KAZN: variants seen among roughly 807,000 people sequenced by gnomAD.
KAZN encodes the protein kazrin.
A neutral mutation model predicts 87.4 loss-of-function variants in KAZN; 40 were observed. The observed-to-expected ratio is 0.46, with a 90% CI of 0.36 to 0.60. The LOEUF (loss-of-function observed/expected upper bound fraction) is 0.60. Ranked by LOEUF, KAZN falls within the 20% of genes least tolerant of loss-of-function variation. The pLI is 0.00. For missense variants in KAZN, 898 were observed against 1,073.9 expected (o/e 0.84, Z 2.29); for synonymous variants, 466 against 458.3 (o/e 1.02, Z -0.22).
At position 15,070,765 on chromosome 1, in the gene KAZN, C is replaced by T. The variant is rs574118280; in HGVS notation, c.1222+5012C>T. On this transcript the variant is annotated intron_variant, in intron 8 of 14. Transcript: ENST00000376030. ...CTGAGGCTGAAGCATCTCTTGAGCT[C>T]GGGATGTCGAGGCTGCAATGAGCCG... Among the ~76,000 whole-genome samples, 10 of 152,286 alleles carry T rather than the reference C, an allele frequency of 6.6e-5. No individual in the cohort carries two copies. The South Asian group carries it at 1.2e-3, about 19-fold the overall frequency.
At chr1:14,073,430 T>G (rs1643321243) in intron 1 of KAZN, among the ~76,000 whole-genome samples, 1 of 152,202 alleles carries the variant, frequency 6.6e-6, no homozygotes, top group African/African-American at 2.4e-5. Context: ...CTTTAAGTTC[T>G]GGGATACATG....
intron 1 of KAZN, among the ~76,000 whole-genome samples, chr1:14,142,108 CTTTTTTT>C (rs35138469): frequency 1.6e-5 from 2 of 128,970 alleles, no homozygotes; most frequent in South Asian, 2.5e-4. Flanking sequence ...CCCTCCTTCC[CTTTTTTT>C]TTTTTTTTTT....
chr1:15,020,920 C>T lies in KAZN; in HGVS notation c.419-13829C>T, dbSNP rs532251693. Among the ~76,000 whole-genome samples, 34 of 152,282 alleles carry T rather than the reference C, an allele frequency of 2.2e-4. No individual in the cohort carries two copies. The South Asian group carries it at 4.6e-3, about 20-fold the overall frequency. ...GATTGTCTGGCTCCGGGTTCTCACT[C>T]GTGAGCTCTGCTCTCTGCAGCCTCT... On this transcript the variant is annotated intron_variant, in intron 2 of 14. Coordinates refer to ENST00000376030, the MANE Select transcript of KAZN (RefSeq NM_201628.3).
At chr1:14,929,781 C>T in intron 1 of KAZN, 1 of 985,346 alleles carries the variant, frequency 1.0e-6, no homozygotes, top group Non-Finnish European at 1.2e-6. Flanking sequence ...GTTGCGGGTG[C>T]CAGATGAGTG....
At chr1:13,991,879 G>GTGTACTATAGATACAGTGAACTATAGAT (rs1351372713) in intron 1 of KAZN, among the ~76,000 whole-genome samples, 2 of 152,042 alleles carry the variant, frequency 1.3e-5, no homozygotes, top group Non-Finnish European at 2.9e-5. Context: ...TATAGATACA[G>GTGTACTATAGATACAGTGAACTATAGAT]ACGCAGTGTA....
intron 1 of KAZN, among the ~76,000 whole-genome samples, chr1:14,906,031 G>A (rs1225270978): frequency 6.6e-6 from 1 of 151,660 alleles, no homozygotes; most frequent in East Asian, 1.9e-4. Flanking sequence ...GCTGGGTATG[G>A]TGGCACATGC....
intron 1 of KAZN, among the ~76,000 whole-genome samples, chr1:14,134,779 C>A (rs6692214): frequency 1.3e-5 from 2 of 152,132 alleles, no homozygotes; most frequent in Admixed American, 6.6e-5. Context: ...TTCACCTCCT[C>A]CCCATTTTTC....
At position 15,022,075 on chromosome 1, in the gene KAZN, G is replaced by A. The variant is rs567021434; in HGVS notation, c.419-12674G>A. 7.9e-5 allele frequency among the ~76,000 whole-genome samples: 12 copies of A among 152,246 alleles called. 1 individual carries two copies. Among genetic ancestry groups the A allele is most frequent in the Middle Eastern group, 3.4e-3 (1 of 294 alleles). The stretch of plus-strand genomic sequence containing the variant: ...TTCTACCATGTCTCTCCCATAACAC[G>A]TGGGAATTAGGGGAGCTACAATTCA... On this transcript the variant is annotated intron_variant, in intron 2 of 14. Coordinates refer to ENST00000376030, the MANE Select transcript of KAZN (RefSeq NM_201628.3).
At chr1:14,257,530 C>T (rs1009117007) in intron 2 of KAZN, among the ~76,000 whole-genome samples, 1 of 144,810 alleles carries the variant, frequency 6.9e-6, no homozygotes, top group Non-Finnish European at 1.5e-5. Context: ...GTGTTCTGGA[C>T]ATGAAGTCCT....
chr1:14,930,736 C>A (rs770231555), intron 1 of KAZN, among the ~76,000 whole-genome samples: 1 of 152,214 alleles, frequency 6.6e-6, no homozygotes, highest in Non-Finnish European at 1.5e-5. Context: ...TGTCAGCTGA[C>A]GATTCCCCGG....
chr1:14,907,244 C>T (rs978066228), intron 1 of KAZN, among the ~76,000 whole-genome samples: 1 of 150,924 alleles, frequency 6.6e-6, no homozygotes, highest in Non-Finnish European at 1.5e-5. Context: ...AAAAAAAATA[C>T]AAAAACAATT....
At chr1:14,812,776 C>T (rs12129442) in intron 1 of KAZN, among the ~76,000 whole-genome samples, 8,691 of 152,018 alleles carry the variant, frequency 0.057, 323 homozygotes, top group Admixed American at 0.11. Context: ...AGCTTCCCAA[C>T]GCATTGGGAT....
At chr1:14,438,358 G>A (rs1666517638) in intron 2 of KAZN, among the ~76,000 whole-genome samples, 1 of 152,186 alleles carries the variant, frequency 6.6e-6, no homozygotes, top group Non-Finnish European at 1.5e-5. Context: ...GGGAGAAGGG[G>A]AATCAGCAAT....
chr1:14,410,836 G>C (rs1206279460), intron 2 of KAZN, among the ~76,000 whole-genome samples: 1 of 152,172 alleles, frequency 6.6e-6, no homozygotes, highest in Non-Finnish European at 1.5e-5. Flanking sequence ...AAGAGGCCAG[G>C]CATGGATTCT....
intron 1 of KAZN, among the ~76,000 whole-genome samples, chr1:14,151,439 T>A (rs929329392): frequency 6.6e-6 from 1 of 152,198 alleles, no homozygotes; most frequent in African/African-American, 2.4e-5. Flanking sequence ...ATGATCACTT[T>A]GATATTTTCG....
chr1:15,036,305 A>C (rs1672293066), intron 3 of KAZN, among the ~76,000 whole-genome samples: 3 of 95,838 alleles, frequency 3.1e-5, no homozygotes, highest in Non-Finnish European at 4.2e-5. Flanking sequence ...CTGCCCGCCC[A>C]GCTCCCTCTG....
intron 2 of KAZN, among the ~76,000 whole-genome samples, chr1:14,586,845 G>C (rs1186974721): frequency 6.6e-6 from 1 of 152,108 alleles, no homozygotes; most frequent in African/African-American, 2.4e-5. Context: ...GTTTAATACA[G>C]TTCAACATTT....
intron 1 of KAZN, among the ~76,000 whole-genome samples, chr1:14,102,896 T>C (rs977847976): frequency 1.3e-5 from 2 of 151,426 alleles, no homozygotes; most frequent in Middle Eastern, 3.2e-3. Context: ...CTGTACACAT[T>C]TGAATACTAA....
intron 1 of KAZN, among the ~76,000 whole-genome samples, chr1:14,960,450 C>T (rs936030191): frequency 5.3e-5 from 8 of 152,128 alleles, no homozygotes; most frequent in African/African-American, 1.7e-4. Context: ...CAGTGGAGTC[C>T]TCGGGAGTCG....
Sources: gnomAD v4.1 joint callset for allele counts (sites outside exome capture counted in the v4.1 genomes callset) on GRCh38, gnomAD v4.1.1 for gene constraint, MANE v1.5 for transcripts, NCBI Gene and HGNC (gene_info 2026-07-23, HGNC 2026-07-21) for gene names.